Variants in KCTD16 observed in about 807,000 individuals in gnomAD.
KCTD16 encodes the protein BTB/POZ domain-containing protein KCTD16.
KCTD16 carries 13 observed loss-of-function variants against 33.2 expected under a neutral mutation model. The ratio of observed to expected loss-of-function variants is 0.39; its 90% confidence interval spans 0.25 to 0.62. The LOEUF (loss-of-function observed/expected upper bound fraction) is 0.62, where lower values mean the gene tolerates loss of function less well. Ranked by LOEUF, KCTD16 falls within the 20% of genes least tolerant of loss-of-function variation. The probability of loss-of-function intolerance (pLI) is 0.50; values close to 1 mark genes in which losing one functional copy is unlikely to be tolerated. For synonymous variants in KCTD16, 197 were observed against 195.3 expected, an observed-to-expected ratio of 1.01 and a Z score of -0.07; for missense variants, 441 against 525.1, an observed-to-expected ratio of 0.84 and a Z score of 1.57.
chr5:144,178,138 C>T (rs1213384690), intron 2 of KCTD16, among the ~76,000 whole-genome samples: 2 of 152,178 alleles, frequency 1.3e-5, no homozygotes, highest in African/African-American at 4.8e-5. Flanking sequence ...ATCAGACTTT[C>T]TGAAACAAAG....
rs545552848 is a variant in KCTD16, at chr5:144,231,919, A to G, written c.832+24373A>G. On this transcript the variant is annotated intron_variant, in intron 3 of 3. Transcript: ENST00000512467. Reference sequence around the variant, plus strand: ...ATTAGCAGCGTGAGAACAGACTAATACACTATCATATTTCATATATCTATA... The same window carrying G: ...ATTAGCAGCGTGAGAACAGACTAATGCACTATCATATTTCATATATCTATA... Among the ~76,000 whole-genome samples the G allele has an allele frequency of 5.3e-5, 8 of 152,308 alleles. No homozygotes were observed. In the South Asian group the frequency reaches 1.7e-3, roughly 32 times the overall value.
intron 3 of KCTD16, among the ~76,000 whole-genome samples, chr5:144,237,930 G>A (rs1754298163): frequency 6.6e-6 from 1 of 152,132 alleles, no homozygotes. Context: ...CTGCATCTTC[G>A]AATTGCAGTT....
intron 3 of KCTD16, among the ~76,000 whole-genome samples, chr5:144,418,690 G>A (rs909319023): frequency 2.0e-5 from 3 of 152,074 alleles, no homozygotes; most frequent in Non-Finnish European, 4.4e-5. Flanking sequence ...AGAAACACAG[G>A]GAACCAATTC....
intron 3 of KCTD16, among the ~76,000 whole-genome samples, chr5:144,342,790 G>T (rs1191253588): frequency 2.0e-5 from 3 of 152,154 alleles, no homozygotes; most frequent in Non-Finnish European, 1.5e-5. Context: ...TAGCATGAAG[G>T]GCTGTTGAAT....
chr5:144,366,828 A>T lies in KCTD16; in HGVS notation c.833-106832A>T, dbSNP rs1006363999. The stretch of plus-strand genomic sequence containing the variant: ...CATGATAGGGCCACTCAGATGGATG[A>T]TGCCGATCAGATCCAATCAGACTCT... On this transcript the variant is annotated intron_variant, in intron 3 of 3. Coordinates refer to ENST00000512467, the MANE Select transcript of KCTD16 (RefSeq NM_020768.4). Among the ~76,000 whole-genome samples, 7 of 152,348 alleles carry T rather than the reference A, an allele frequency of 4.6e-5. No homozygotes were observed. The East Asian group carries it at 1.2e-3, about 25-fold the overall frequency.
chr5:144,312,522 T>G (rs909517440), intron 3 of KCTD16, among the ~76,000 whole-genome samples: 2 of 152,172 alleles, frequency 1.3e-5, no homozygotes, highest in African/African-American at 4.8e-5. Context: ...AATGAAGAAT[T>G]TAACTGAAGT....
intron 3 of KCTD16, among the ~76,000 whole-genome samples, chr5:144,365,825 G>A (rs1270503266): frequency 6.6e-6 from 1 of 152,184 alleles, no homozygotes; most frequent in African/African-American, 2.4e-5. Context: ...TAGCCTATCT[G>A]TGTGTACCAA....
intron 3 of KCTD16, among the ~76,000 whole-genome samples, chr5:144,464,137 AT>A (rs1481106202): frequency 2.0e-5 from 3 of 152,184 alleles, no homozygotes; most frequent in African/African-American, 7.2e-5. Flanking sequence ...TTTGGAAGTT[AT>A]TGTGAATATA....
chr5:144,463,295 G>A (rs988501205), intron 3 of KCTD16, among the ~76,000 whole-genome samples: 3 of 152,004 alleles, frequency 2.0e-5, no homozygotes, highest in African/African-American at 7.3e-5. Flanking sequence ...AAGAAACAAG[G>A]TATTATTTAT....
At chr5:144,238,090 C>A (rs1049925113) in intron 3 of KCTD16, among the ~76,000 whole-genome samples, 1 of 152,158 alleles carries the variant, frequency 6.6e-6, no homozygotes, top group Non-Finnish European at 1.5e-5. Context: ...TTATGAAAAA[C>A]CACAAGTTCT....
At chr5:144,372,091 C>T (rs1313819487) in intron 3 of KCTD16, among the ~76,000 whole-genome samples, 2 of 152,058 alleles carry the variant, frequency 1.3e-5, no homozygotes, top group Non-Finnish European at 2.9e-5. Context: ...GGAGGTTGCT[C>T]ATTCATTCAA....
intron 3 of KCTD16, among the ~76,000 whole-genome samples, chr5:144,453,292 G>C (rs1042269302): frequency 6.6e-6 from 1 of 152,084 alleles, no homozygotes. Flanking sequence ...CTGTATAGCT[G>C]TCTTAGTCTC....
Position 144,473,965 on chromosome 5 carries a change from A to G in KCTD16, c.1138A>G (p.Ser380Gly), listed in dbSNP as rs373514581. The G allele has an allele frequency of 4.3e-6, 7 of 1,613,952 alleles. No homozygotes were observed. The highest frequency in any genetic ancestry group is 1.7e-5 in the Admixed American group (1 of 59,994). ...AGGCTCCAGGGAATCGAACATGAGC[A>G]GCAAAAAAAAAGCTGTTAAAGAAAA... ...TSGSRESNMS[S>G]KKKAVKEKLS... is the part of the protein sequence containing the mutation. Residue 380 changes from serine (S) to glycine (G), a missense_variant, in exon 4 of 4, where the codon AGC becomes GGC. Physicochemically the swap from Ser to Gly is moderately conservative, Grantham distance 56. Around this residue, in one of 3 missense-constraint regions of KCTD16, gnomAD observed 355 missense variants for 413.0 expected, o/e 0.86. Transcript: ENST00000512467.
At chr5:144,343,346 A>G (rs1433335241) in intron 3 of KCTD16, among the ~76,000 whole-genome samples, 1 of 151,486 alleles carries the variant, frequency 6.6e-6, no homozygotes, top group Non-Finnish European at 1.5e-5. Context: ...TTTCTTCTAG[A>G]TTTTCTAGTT....
chr5:144,205,694 TC>T (rs1202619852), intron 2 of KCTD16: 1 of 397,976 alleles, frequency 2.5e-6, no homozygotes, highest in East Asian at 3.6e-5. Context: ...ATTTTTCTTT[TC>T]CCCTGGGGAA....
intron 3 of KCTD16, among the ~76,000 whole-genome samples, chr5:144,393,353 A>G (rs1209985343): frequency 6.6e-6 from 1 of 152,210 alleles, no homozygotes; most frequent in Non-Finnish European, 1.5e-5. Flanking sequence ...TAAACATATG[A>G]GAAGTTTGAA....
chr5:144,438,822 G>T (rs903715503), intron 3 of KCTD16, among the ~76,000 whole-genome samples: 2 of 152,158 alleles, frequency 1.3e-5, no homozygotes, highest in Non-Finnish European at 2.9e-5. Context: ...AAGCTTGTCA[G>T]GGGTGAGAGA....
At chr5:144,298,215 C>T (rs1273924424) in intron 3 of KCTD16, among the ~76,000 whole-genome samples, 1 of 152,148 alleles carries the variant, frequency 6.6e-6, no homozygotes, top group Admixed American at 6.5e-5. Context: ...CCTTGAAATC[C>T]GTGAGGCCAA....
intron 3 of KCTD16, among the ~76,000 whole-genome samples, chr5:144,248,199 G>A (rs1580818489): frequency 6.6e-6 from 1 of 152,348 alleles, no homozygotes; most frequent in Non-Finnish European, 1.5e-5. Flanking sequence ...GTAGGGGGCA[G>A]TAGTGCCATT....
Sources: gnomAD v4.1 joint callset for allele counts (sites outside exome capture counted in the v4.1 genomes callset) on GRCh38, gnomAD v4.1.1 for gene constraint, gnomAD v4.1.1 regional missense constraint, MANE v1.5 for transcripts, NCBI Gene and HGNC (gene_info 2026-07-23, HGNC 2026-07-21) for gene names.